KSR2: variants seen among roughly 807,000 people sequenced by gnomAD.
The protein encoded by KSR2 is kinase suppressor of ras 2.
In KSR2, 25 loss-of-function variants were observed where a neutral mutation model predicts 107.8. The ratio of observed to expected loss-of-function variants is 0.23; its 90% CI spans 0.17 to 0.32. The LOEUF (loss-of-function observed/expected upper bound fraction) is 0.32, where lower values mean the gene tolerates loss of function less well. Ranked by LOEUF, KSR2 falls within the 10% of genes least tolerant of loss-of-function variation. KSR2 has a pLI of 1.00. For synonymous variants in KSR2, 480 were observed against 507.0 expected, an observed-to-expected ratio of 0.95 and a Z score of 0.71; for missense variants, 887 against 1,268.9, an observed-to-expected ratio of 0.70 and a Z score of 4.57.
At chr12:117,552,349 T>C (rs1877369151) in intron 9 of KSR2, among the ~76,000 whole-genome samples, 2 of 152,234 alleles carry the variant, frequency 1.3e-5, no homozygotes, top group African/African-American at 4.8e-5. Flanking sequence ...TACAAATCCG[T>C]GGACGCTTCC....
intron 12 of KSR2, among the ~76,000 whole-genome samples, 161 bp from the exon 13 acceptor site, chr12:117,527,280 G>GACACAC (rs59836858): frequency 5.6e-5 from 7 of 124,544 alleles, no homozygotes; most frequent in South Asian, 5.7e-4. Flanking sequence ...CCATAACCTC[G>GACACAC]ACACACACAC....
intron 4 of KSR2, among the ~76,000 whole-genome samples, chr12:117,681,274 A>G (rs1228643551): frequency 6.6e-6 from 1 of 152,222 alleles, no homozygotes; most frequent in Non-Finnish European, 1.5e-5. Flanking sequence ...CATCTCAAAA[A>G]TAAATACATA....
chr12:117,968,336 C>T lies in KSR2; in HGVS notation c.-81G>A. Reference sequence around the variant, plus strand: ...GGGGGAGTAGAGGTAGTCTACCCTCCGCCTCTCCAACCACTGCGACTTCTC... The same window carrying T: ...GGGGGAGTAGAGGTAGTCTACCCTCTGCCTCTCCAACCACTGCGACTTCTC... On this transcript the variant is annotated 5_prime_UTR_variant, in exon 1 of 20. Transcript: ENST00000339824. The T allele has an allele frequency of 7.0e-7, 1 of 1,418,608 alleles. No homozygotes were observed. Among genetic ancestry groups the T allele is most frequent in the East Asian group, 2.7e-5 (1 of 37,696 alleles). The allele number at this position is 1,418,608 out of a possible 1,614,324, so 87.9% of individuals were successfully genotyped here.
At chr12:117,758,253 C>A (rs1366451107) in intron 4 of KSR2, among the ~76,000 whole-genome samples, 2 of 152,182 alleles carry the variant, frequency 1.3e-5, no homozygotes, top group East Asian at 3.8e-4. Flanking sequence ...TGGGACTCAC[C>A]TCAACTAACG....
At chr12:117,612,181 G>A (rs1315791167) in intron 5 of KSR2, among the ~76,000 whole-genome samples, 2 of 152,134 alleles carry the variant, frequency 1.3e-5, no homozygotes, top group African/African-American at 2.4e-5. Context: ...TGAGGTGGGT[G>A]GATCATGAGG....
intron 7 of KSR2, among the ~76,000 whole-genome samples, chr12:117,570,004 C>CT (rs58314222): frequency 3.4e-3 from 477 of 140,142 alleles, no homozygotes; most frequent in Middle Eastern, 0.022. Context: ...TGTCTGCAGA[C>CT]TTTTTTTTTT....
chr12:117,740,584 T>C (rs1888168074), intron 4 of KSR2, among the ~76,000 whole-genome samples: 2 of 91,632 alleles, frequency 2.2e-5, no homozygotes, highest in Non-Finnish European at 4.2e-5. Flanking sequence ...ATATTATATA[T>C]GTACTATATA....
At chr12:117,606,418 TCC>T in intron 5 of KSR2, among the ~76,000 whole-genome samples, 1 of 51,902 alleles carries the variant, frequency 1.9e-5, no homozygotes, top group Non-Finnish European at 3.7e-5. Flanking sequence ...CCTCCCTCCC[TCC>T]CCTCCTTCCT....
intron 3 of KSR2, among the ~76,000 whole-genome samples, chr12:117,816,817 A>G (rs1891388285): frequency 6.6e-6 from 1 of 152,132 alleles, no homozygotes; most frequent in Admixed American, 6.5e-5. Context: ...CATCACCCCC[A>G]TTTTGCAGAT....
intron 1 of KSR2, among the ~76,000 whole-genome samples, chr12:117,941,158 G>C (rs1484205800): frequency 2.0e-5 from 3 of 151,886 alleles, no homozygotes; most frequent in African/African-American, 7.3e-5. Flanking sequence ...GACAATGCTA[G>C]GTCCAAATCC....
intron 5 of KSR2, among the ~76,000 whole-genome samples, chr12:117,663,935 C>T (rs1884543195): frequency 6.6e-6 from 1 of 152,208 alleles, no homozygotes; most frequent in African/African-American, 2.4e-5. Flanking sequence ...CCAAATGCAA[C>T]ACAGAATAAA....
intron 4 of KSR2, among the ~76,000 whole-genome samples, chr12:117,760,175 T>C (rs1182222456): frequency 6.6e-6 from 1 of 152,226 alleles, no homozygotes; most frequent in African/African-American, 2.4e-5. Context: ...CCACACTGTG[T>C]TTACTCATTT....
intron 1 of KSR2, among the ~76,000 whole-genome samples, chr12:117,885,690 CG>C (rs1257003645): frequency 9.6e-5 from 4 of 41,756 alleles, no homozygotes; most frequent in Non-Finnish European, 9.1e-5. Flanking sequence ...ACACAGGGGG[CG>C]GGGGGTAAGG....
rs563771949 is a variant in KSR2, at chr12:117,704,572, T to C, written c.987-36914A>G. On this transcript the variant is annotated intron_variant, in intron 4 of 19. Coordinates refer to ENST00000339824, the MANE Select transcript of KSR2 (RefSeq NM_173598.6). The stretch of plus-strand genomic sequence containing the variant: ...TCTCTATACCAAGCTCAAGACATAA[T>C]GAAGGGCCAGGTGCGGTGGCTCACA... Among the ~76,000 whole-genome samples the C allele has an allele frequency of 2.0e-5, 3 of 152,076 alleles. No individual in the cohort carries two copies. In the South Asian group the frequency reaches 6.2e-4, roughly 32 times the overall value.
At chr12:117,935,963 C>T (rs113431286) in intron 1 of KSR2, among the ~76,000 whole-genome samples, 3 of 152,242 alleles carry the variant, frequency 2.0e-5, no homozygotes, top group African/African-American at 7.2e-5. Context: ...TTTCATGAAG[C>T]CTGCTCTGCT....
chr12:117,686,899 G>A (rs563445724), intron 4 of KSR2, among the ~76,000 whole-genome samples: 3 of 152,240 alleles, frequency 2.0e-5, no homozygotes, highest in African/African-American at 4.8e-5. Flanking sequence ...ATCAGAGCCC[G>A]AGAGACAGAC....
chr12:117,480,605 G>A (rs1191571030), intron 16 of KSR2, among the ~76,000 whole-genome samples: 1 of 152,066 alleles, frequency 6.6e-6, no homozygotes, highest in Non-Finnish European at 1.5e-5. Flanking sequence ...TGGTGGCGGG[G>A]GGGTCTCTCC....
chr12:117,929,577 T>G (rs55962334), intron 1 of KSR2, among the ~76,000 whole-genome samples: 26,481 of 152,182 alleles, frequency 0.17, 2,626 homozygotes, highest in East Asian at 0.3. Context: ...ACAAGCATTA[T>G]TCACAATAGT....
At chr12:117,639,764 T>C (rs1593080407) in intron 5 of KSR2, among the ~76,000 whole-genome samples, 1 of 151,324 alleles carries the variant, frequency 6.6e-6, no homozygotes. Flanking sequence ...GTGGGAGAAA[T>C]GTCCTCTTCA....
Sources: allele counts gnomAD v4.1 joint callset (sites outside exome capture counted in the v4.1 genomes callset), GRCh38; gene constraint gnomAD v4.1.1; transcripts MANE v1.5; gene names NCBI Gene and HGNC (gene_info 2026-07-23, HGNC 2026-07-21).